COG5: variants seen among roughly 807,000 people sequenced by gnomAD.
COG5 encodes the protein component of oligomeric golgi complex 5, also known as conserved oligomeric Golgi complex subunit 5.
Under a neutral mutation model 110.4 loss-of-function variants are expected in COG5, and 86 were observed. The observed-to-expected ratio is 0.78, with a 90% CI of 0.65 to 0.93. The LOEUF (loss-of-function observed/expected upper bound fraction) is 0.93, where lower values mean the gene tolerates loss of function less well. COG5 is among the 40% of genes least tolerant of loss of function. The pLI is 0.00. For missense variants in COG5, 1,077 were observed against 987.0 expected, an observed-to-expected ratio of 1.09 and a Z score of -1.22; for synonymous variants, 360 against 334.6, an observed-to-expected ratio of 1.08 and a Z score of -0.83.
intron 10 of COG5, among the ~76,000 whole-genome samples, chr7:107,343,435 C>G (rs977066876): frequency 1.3e-5 from 2 of 152,070 alleles, no homozygotes; most frequent in Admixed American, 6.6e-5. Context: ...AATCCCAGTA[C>G]TTTGGGATGC....
intron 6 of COG5, among the ~76,000 whole-genome samples, chr7:107,500,674 C>T (rs1798578377): frequency 6.6e-6 from 1 of 151,992 alleles, no homozygotes; most frequent in Non-Finnish European, 1.5e-5. Context: ...AGGATATATT[C>T]CTAGTTGTAA....
chr7:107,524,031 C>G (rs1040541904), intron 6 of COG5, among the ~76,000 whole-genome samples: 1 of 152,094 alleles, frequency 6.6e-6, no homozygotes, highest in Non-Finnish European at 1.5e-5. Flanking sequence ...TAGGAACAAC[C>G]CAACTGTCCA....
chr7:107,443,576 T>C (rs1316445515), intron 6 of COG5, among the ~76,000 whole-genome samples: 2 of 151,426 alleles, frequency 1.3e-5, no homozygotes, highest in Non-Finnish European at 3.0e-5. Context: ...ATATCTCTAA[T>C]GTAATGAAGT....
rs1419771265 is a variant in COG5 at position 107,552,230 on chromosome 7, C to G, written c.292+2055G>C. On this transcript the variant is annotated intron_variant, in intron 3 of 21. Coordinates refer to ENST00000297135, the MANE Select transcript of COG5 (RefSeq NM_006348.5). ...AAAACTAGCATGTTTTCAAGATTGC[C>G]ATTAAAATATTACATGCTCTCAAAA... Among the ~76,000 whole-genome samples, 3 of 152,058 alleles carry G rather than the reference C, an allele frequency of 2.0e-5. No homozygotes were observed. In the South Asian group the frequency reaches 6.2e-4, roughly 31 times the overall value.
chr7:107,511,480 G>A (rs987982621), intron 6 of COG5, among the ~76,000 whole-genome samples: 5 of 152,294 alleles, frequency 3.3e-5, no homozygotes, highest in African/African-American at 9.6e-5. Flanking sequence ...GGAGGAGCTG[G>A]TACCATTCCT....
chr7:107,529,126 G>A (rs1337216716), intron 5 of COG5, among the ~76,000 whole-genome samples: 8 of 150,334 alleles, frequency 5.3e-5, no homozygotes, highest in Non-Finnish European at 1.2e-4. Flanking sequence ...TTTCTGAATA[G>A]ATAATACAAG....
intron 19 of COG5, among the ~76,000 whole-genome samples, chr7:107,221,259 C>T (rs1037068746): frequency 1.3e-5 from 2 of 151,386 alleles, no homozygotes; most frequent in Admixed American, 6.6e-5. Flanking sequence ...CCCTAGTTTA[C>T]GATGTGAGAA....
Position 107,498,633 on chromosome 7 carries a change from C to CA in COG5, c.538+28603dup, listed in dbSNP as rs1255326005. ...AAAAAAAACAAACAAGCAAAAACAACAAAAAACAGACACGTGCTGGTGAGG... is the reference window on the plus strand; with the variant it reads ...AAAAAAAACAAACAAGCAAAAACAACAAAAAAACAGACACGTGCTGGTGAGG... On this transcript the variant is annotated intron_variant, in intron 6 of 21. Transcript: ENST00000297135. Among the ~76,000 whole-genome samples the CA allele has an allele frequency of 4.6e-5, 7 of 151,950 alleles. No individual in the cohort carries two copies. The East Asian group carries it at 1.4e-3, about 29-fold the overall frequency.
chr7:107,231,836 A>C, intron 18 of COG5, among the ~76,000 whole-genome samples: 1 of 83,346 alleles, frequency 1.2e-5, no homozygotes. Context: ...TCTCAAATTT[A>C]ATGAAGGGGA....
At chr7:107,533,379 A>G (rs1053393073) in intron 5 of COG5, among the ~76,000 whole-genome samples, 3 of 151,638 alleles carry the variant, frequency 2.0e-5, no homozygotes, top group African/African-American at 7.3e-5. Context: ...TCCAAGCTAC[A>G]GGAGCATGTT....
chr7:107,440,866 G>A (rs931421543), intron 6 of COG5, among the ~76,000 whole-genome samples: 1 of 152,106 alleles, frequency 6.6e-6, no homozygotes. Context: ...CTATTTGGCT[G>A]TTCCTGAGTT....
chr7:107,378,363 C>T (rs1253225815), intron 7 of COG5, among the ~76,000 whole-genome samples: 1 of 152,158 alleles, frequency 6.6e-6, no homozygotes, highest in Non-Finnish European at 1.5e-5. Flanking sequence ...AATGCCTCTT[C>T]TCTTCCAGAA....
chr7:107,370,741 G>A (rs917884549), intron 8 of COG5, among the ~76,000 whole-genome samples: 2 of 146,444 alleles, frequency 1.4e-5, no homozygotes, highest in East Asian at 4.0e-4. Context: ...AGCTAAGATC[G>A]TGCAATTGCA....
chr7:107,435,735 T>C (rs1184846398), intron 6 of COG5, among the ~76,000 whole-genome samples: 1 of 152,190 alleles, frequency 6.6e-6, no homozygotes, highest in Non-Finnish European at 1.5e-5. Context: ...GAAAATGGTA[T>C]GGTTGTTTCT....
chr7:107,441,213 G>A (rs188905420), intron 6 of COG5, among the ~76,000 whole-genome samples: 3,335 of 130,184 alleles, frequency 0.026, 51 homozygotes, highest in Middle Eastern at 0.071. Flanking sequence ...CCGAGATCGC[G>A]CCACTGCACT....
intron 6 of COG5, among the ~76,000 whole-genome samples, chr7:107,486,877 G>A (rs955559398): frequency 5.3e-5 from 8 of 152,140 alleles, no homozygotes; most frequent in South Asian, 2.1e-4. Flanking sequence ...ACAACTCCAG[G>A]AGGCACAGTT....
At chr7:107,266,418 A>G (rs1384522363) in intron 14 of COG5, among the ~76,000 whole-genome samples, 2 of 152,154 alleles carry the variant, frequency 1.3e-5, no homozygotes, top group African/African-American at 2.4e-5. Context: ...CAAGTGTTTG[A>G]GCAGTGTTTT....
chr7:107,295,213 A>G (rs1247946514), intron 12 of COG5, among the ~76,000 whole-genome samples: 1 of 147,380 alleles, frequency 6.8e-6, no homozygotes, highest in Non-Finnish European at 1.5e-5. Flanking sequence ...CTTGGATTAT[A>G]GGCGTGAGCC....
intron 7 of COG5, 35 bp downstream of exon 7, chr7:107,412,467 T>A: frequency 6.3e-7 from 1 of 1,598,180 alleles, no homozygotes. Flanking sequence ...TTATGACACA[T>A]TTTTTACATT....
Sources: allele counts gnomAD v4.1 joint callset (sites outside exome capture counted in the v4.1 genomes callset), GRCh38; gene constraint gnomAD v4.1.1; transcripts MANE v1.5; gene names NCBI Gene and HGNC (gene_info 2026-07-23, HGNC 2026-07-21).